HPSE2: variants seen among roughly 807,000 people sequenced by gnomAD.
The protein encoded by HPSE2 is inactive heparanase-2.
In HPSE2, 38 loss-of-function variants were observed where a neutral mutation model predicts 60.5. That is an observed-to-expected ratio of 0.63 (90% CI 0.48 to 0.82). The LOEUF (loss-of-function observed/expected upper bound fraction) is 0.82. Among genes scored for constraint, HPSE2 ranks in the 40% least tolerant of loss-of-function variants. HPSE2 has a pLI of 0.00. For synonymous variants in HPSE2, 295 were observed against 293.2 expected, an observed-to-expected ratio of 1.01 and a Z score of -0.06; for missense variants, 713 against 740.4, an observed-to-expected ratio of 0.96 and a Z score of 0.43.
intron 2 of HPSE2, among the ~76,000 whole-genome samples, chr10:99,170,747 C>A (rs1440197239): frequency 6.6e-6 from 1 of 152,208 alleles, no homozygotes; most frequent in East Asian, 1.9e-4. Context: ...TTTTGTTTGG[C>A]TTGGCTGATT....
intron 3 of HPSE2, among the ~76,000 whole-genome samples, chr10:99,113,664 C>T (rs528003918): frequency 6.6e-6 from 1 of 152,196 alleles, no homozygotes; most frequent in Non-Finnish European, 1.5e-5. Context: ...ATGTTCTGGG[C>T]ATTATATAAA....
At chr10:99,196,030 T>C (rs924268248) in intron 2 of HPSE2, among the ~76,000 whole-genome samples, 35 of 151,928 alleles carry the variant, frequency 2.3e-4, no homozygotes, top group African/African-American at 7.0e-4. Flanking sequence ...ACGGACAGAA[T>C]AGAGAACCCA....
chr10:98,489,829 C>A lies in HPSE2; in HGVS notation c.1466+222G>T, dbSNP rs1226973295. ...GAACAAATGGCAAGAATTTTAGGAA[C>A]CTTTTATGATTAATCCTCTAAGTAT... On this transcript the variant is annotated intron_variant, in intron 10 of 11. Transcript: ENST00000370552. Among the ~76,000 whole-genome samples, 4 of 152,180 alleles carry A rather than the reference C, an allele frequency of 2.6e-5. No homozygotes were observed. The East Asian group carries it at 7.7e-4, about 29-fold the overall frequency.
chr10:99,180,857 T>C (rs1214306366), intron 2 of HPSE2, among the ~76,000 whole-genome samples: 1 of 112,280 alleles, frequency 8.9e-6, no homozygotes, highest in Non-Finnish European at 1.6e-5. Context: ...GCCACTGCAC[T>C]CCAGCCTGGG....
At chr10:99,048,198 C>G (rs9633709) in intron 3 of HPSE2, 6 of 634,592 alleles carry the variant, frequency 9.5e-6, no homozygotes, top group Non-Finnish European at 5.7e-6. Context: ...ATCATCTGCA[C>G]GGAGGATCTG....
chr10:98,976,218 C>CAT (rs1056874584), intron 3 of HPSE2, among the ~76,000 whole-genome samples: 16 of 152,172 alleles, frequency 1.1e-4, no homozygotes, highest in African/African-American at 3.6e-4. Context: ...AGAGACTATA[C>CAT]ATATATATAT....
intron 2 of HPSE2, among the ~76,000 whole-genome samples, chr10:99,227,134 G>T (rs1237658956): frequency 6.6e-6 from 1 of 152,144 alleles, no homozygotes; most frequent in Non-Finnish European, 1.5e-5. Context: ...AAAAGAAAAA[G>T]AATTAATTAC....
At chr10:98,918,777 T>C (rs1173563508) in intron 3 of HPSE2, among the ~76,000 whole-genome samples, 1 of 150,396 alleles carries the variant, frequency 6.6e-6, no homozygotes, top group Admixed American at 6.6e-5. Context: ...CATGTATACA[T>C]ATGTAACTAA....
At chr10:99,299,916 G>A in the HPSE2 span, among the ~76,000 whole-genome samples, 1 of 150,908 alleles carries the variant, frequency 6.6e-6, no homozygotes, top group Admixed American at 6.6e-5. Flanking sequence ...GTCTGCCTCT[G>A]ACATTAGGAG....
intron 8 of HPSE2, among the ~76,000 whole-genome samples, chr10:98,616,112 C>A (rs1945901360): frequency 1.3e-5 from 2 of 151,944 alleles, no homozygotes; most frequent in African/African-American, 4.8e-5. Context: ...TTTCATCTGG[C>A]AGATTTCTTC....
At chr10:98,792,294 G>C (rs1665942016) in intron 3 of HPSE2, among the ~76,000 whole-genome samples, 1 of 151,574 alleles carries the variant, frequency 6.6e-6, no homozygotes, top group African/African-American at 2.4e-5. Context: ...TTCTGTATTT[G>C]TGTAAATCTA....
At chr10:98,944,796 A>T (rs1589408206) in intron 3 of HPSE2, among the ~76,000 whole-genome samples, 1 of 152,116 alleles carries the variant, frequency 6.6e-6, no homozygotes, top group East Asian at 1.9e-4. Context: ...GTTAGCTTCC[A>T]GTTTCTCCAT....
chr10:99,034,022 A>G lies in HPSE2; in HGVS notation c.610+110216T>C, dbSNP rs568991032. Among the ~76,000 whole-genome samples, 10 of 152,288 alleles carry G rather than the reference A, an allele frequency of 6.6e-5. No individual in the cohort carries two copies. The East Asian group carries it at 1.2e-3, about 18-fold the overall frequency. On this transcript the variant is annotated intron_variant, in intron 3 of 11. Coordinates refer to ENST00000370552, the MANE Select transcript of HPSE2 (RefSeq NM_021828.5). ...GTTTTAACATGCTCACCAAAAACCT[A>G]TATGTGCATATGTTTAGCAACTTTA... is the stretch of plus-strand genomic sequence containing the variant.
rs1212658797 is a variant in HPSE2, at chr10:98,962,370, C to G, written c.610+181868G>C. On this transcript the variant is annotated intron_variant, in intron 3 of 11. Coordinates refer to ENST00000370552, the MANE Select transcript of HPSE2 (RefSeq NM_021828.5). ...TTTCACGATATTGATTCTTCCTACCCATGAGCATGGAATGTTCTTCCAATT... is the reference window on the plus strand; with the variant it reads ...TTTCACGATATTGATTCTTCCTACCGATGAGCATGGAATGTTCTTCCAATT... Among the ~76,000 whole-genome samples the G allele has an allele frequency of 2.0e-5, 3 of 150,708 alleles. No homozygotes were observed. In the Admixed American group the frequency reaches 2.0e-4, roughly 10 times the overall value.
intron 1 of HPSE2, 112 bp downstream of exon 1, chr10:99,235,401 G>T: frequency 1.0e-6 from 1 of 1,004,186 alleles, no homozygotes; most frequent in Non-Finnish European, 1.6e-6. Flanking sequence ...TCTTCTCTTT[G>T]AGAGATCTGC....
At chr10:98,944,258 G>C (rs947813166) in intron 3 of HPSE2, among the ~76,000 whole-genome samples, 6 of 152,160 alleles carry the variant, frequency 3.9e-5, no homozygotes, top group African/African-American at 9.7e-5. Context: ...CAGAGGCAGA[G>C]AGCAAGAGGA....
At chr10:98,724,442 T>C (rs1949015230) in intron 4 of HPSE2, among the ~76,000 whole-genome samples, 1 of 152,216 alleles carries the variant, frequency 6.6e-6, no homozygotes, top group African/African-American at 2.4e-5. Context: ...GTATATTCTG[T>C]TGATTTGGGG....
intron 3 of HPSE2, among the ~76,000 whole-genome samples, chr10:98,770,665 A>G (rs1042321996): frequency 9.2e-5 from 14 of 151,844 alleles, no homozygotes; most frequent in South Asian, 4.2e-4. Context: ...CCTTCCCCCA[A>G]CCACAGACAT....
At chr10:98,863,337 C>T (rs1432638284) in intron 3 of HPSE2, among the ~76,000 whole-genome samples, 1 of 151,462 alleles carries the variant, frequency 6.6e-6, no homozygotes, top group African/African-American at 2.4e-5. Flanking sequence ...AGGAGTAGAC[C>T]TGGCAAAAAA....
Sources: gnomAD v4.1 joint callset for allele counts (sites outside exome capture counted in the v4.1 genomes callset) on GRCh38, gnomAD v4.1.1 for gene constraint, MANE v1.5 for transcripts, NCBI Gene and HGNC (gene_info 2026-07-23, HGNC 2026-07-21) for gene names.